Variants in MPHOSPH9 observed in about 807,000 individuals in gnomAD.
MPHOSPH9 encodes the protein M-phase phosphoprotein 9.
MPHOSPH9 carries 88 observed loss-of-function variants against 145.5 expected under a neutral mutation model. The ratio of observed to expected loss-of-function variants is 0.60; its 90% confidence interval spans 0.51 to 0.72. The LOEUF (loss-of-function observed/expected upper bound fraction) is 0.72, where lower values mean the gene tolerates loss of function less well. MPHOSPH9 is among the 30% of genes least tolerant of loss of function. The probability of loss-of-function intolerance (pLI) is 0.00; values close to 1 mark genes in which losing one functional copy is unlikely to be tolerated. For synonymous variants in MPHOSPH9, 435 were observed against 486.2 expected, an observed-to-expected ratio of 0.89 and a Z score of 1.39; for missense variants, 1,238 against 1,386.6, an observed-to-expected ratio of 0.89 and a Z score of 1.70.
In MPHOSPH9 at chr12:123,243,903, G is replaced by A. The variant is rs1171828691; in HGVS notation, c.-209C>T. 5 of 152,262 alleles carry A rather than the reference G, an allele frequency of 3.3e-5. No individual in the cohort carries two copies. The East Asian group carries it at 7.7e-4, about 24-fold the overall frequency. The allele number at this position is 152,262 out of a possible 1,614,324, so 9.4% of individuals were successfully genotyped here. A position where few individuals can be genotyped will look rare whatever the true frequency, so the allele number is the denominator to read the frequency against. On this transcript the variant is annotated 5_prime_UTR_variant, in exon 1 of 3. Coordinates refer to the MPHOSPH9 transcript ENST00000545406. Reference sequence around the variant, plus strand: ...CTCCATCCTGCTTCCTCCTCAGTGGGTATCTATCTGGATCTCACAGTGGGC... The same window carrying A: ...CTCCATCCTGCTTCCTCCTCAGTGGATATCTATCTGGATCTCACAGTGGGC...
chr12:123,199,407 G>A (rs1361227245), intron 11 of MPHOSPH9, among the ~76,000 whole-genome samples: 1 of 151,996 alleles, frequency 6.6e-6, no homozygotes, highest in Non-Finnish European at 1.5e-5. Flanking sequence ...AATAATAAAA[G>A]CTTTATTTAT....
At chr12:123,202,478 T>C in intron 10 of MPHOSPH9, 146 bp downstream of exon 10, 1 of 1,191,284 alleles carries the variant, frequency 8.4e-7, no homozygotes, top group Non-Finnish European at 1.2e-6. Flanking sequence ...AAGTTAACAA[T>C]CAAGTGAAAA....
chr12:123,236,263 A>G (rs12825832), upstream of MPHOSPH9, among the ~76,000 whole-genome samples: 2,831 of 152,148 alleles, frequency 0.019, 44 homozygotes, highest in Middle Eastern at 0.031. Flanking sequence ...TGCATCTCTT[A>G]TTTTCTTTAT....
chr12:123,154,022 C>G (rs532029804), downstream of MPHOSPH9, among the ~76,000 whole-genome samples: 1 of 152,236 alleles, frequency 6.6e-6, no homozygotes, highest in South Asian at 2.1e-4. Flanking sequence ...AGCACGGCCA[C>G]TTTAGCTACA....
intron 11 of MPHOSPH9, among the ~76,000 whole-genome samples, chr12:123,198,692 C>A (rs2046081609): frequency 6.6e-6 from 1 of 151,158 alleles, no homozygotes; most frequent in Non-Finnish European, 1.5e-5. Context: ...TGCCTGTAGT[C>A]CCAGCTACTC....
intron 8 of MPHOSPH9, among the ~76,000 whole-genome samples, chr12:123,208,581 T>C (rs2046553787): frequency 6.8e-6 from 1 of 147,304 alleles, no homozygotes; most frequent in Non-Finnish European, 1.5e-5. Flanking sequence ...CTCATAACTA[T>C]GGTGGAAATG....
chr12:123,166,884 C>T (rs2137932958), intron 16 of MPHOSPH9, 95 bp from the exon 17 acceptor site: 1 of 1,197,860 alleles, frequency 8.3e-7, no homozygotes, highest in Non-Finnish European at 1.1e-6. Flanking sequence ...ACAGTATTTA[C>T]ACATTTGTAC....
chr12:123,205,758 G>T (rs1351905650), intron 8 of MPHOSPH9, among the ~76,000 whole-genome samples: 1 of 152,148 alleles, frequency 6.6e-6, no homozygotes, highest in African/African-American at 2.4e-5. Flanking sequence ...CCACTTTTAT[G>T]TTCTTGTCAT....
chr12:123,157,595 C>G (rs896432877), intron 23 of MPHOSPH9, among the ~76,000 whole-genome samples: 1 of 152,154 alleles, frequency 6.6e-6, no homozygotes, highest in Admixed American at 6.6e-5. Context: ...ATCCTTCCAC[C>G]TTAGCCTCTC....
intron 23 of MPHOSPH9, among the ~76,000 whole-genome samples, chr12:123,158,286 C>T (rs921869001): frequency 6.6e-6 from 1 of 152,122 alleles, no homozygotes; most frequent in Non-Finnish European, 1.5e-5. Flanking sequence ...TGAACCACTG[C>T]ACCCAGCCGT....
chr12:123,215,062 T>C (rs1164615613), intron 6 of MPHOSPH9, among the ~76,000 whole-genome samples: 1 of 152,144 alleles, frequency 6.6e-6, no homozygotes, highest in Non-Finnish European at 1.5e-5. Context: ...GTCAAGATGA[T>C]GAAACCCCGT....
intron 8 of MPHOSPH9, among the ~76,000 whole-genome samples, chr12:123,206,444 A>G (rs1317380639): frequency 1.3e-5 from 2 of 151,896 alleles, no homozygotes; most frequent in African/African-American, 4.8e-5. Context: ...CCTCGGCAAC[A>G]GAGTGAGACC....
intron 3 of MPHOSPH9, among the ~76,000 whole-genome samples, chr12:123,225,327 C>G (rs1235075110): frequency 6.7e-6 from 1 of 149,454 alleles, no homozygotes; most frequent in East Asian, 2.0e-4. Flanking sequence ...ACCTGTAGTC[C>G]CAGCTACTTG....
chr12:123,193,033 C>G (rs1057169337), intron 13 of MPHOSPH9, among the ~76,000 whole-genome samples: 1 of 145,338 alleles, frequency 6.9e-6, no homozygotes, highest in Admixed American at 7.1e-5. Flanking sequence ...AATCACGCCA[C>G]TGCACTCCAG....
chr12:123,212,882 CAG>C (rs1440504883), intron 7 of MPHOSPH9, among the ~76,000 whole-genome samples: 6 of 133,888 alleles, frequency 4.5e-5, no homozygotes, highest in Non-Finnish European at 9.4e-5. Context: ...TTTTTTGAGA[CAG>C]AGTCTGGCTC....
At chr12:123,175,028 C>T (rs2044770659) in intron 16 of MPHOSPH9, among the ~76,000 whole-genome samples, 1 of 152,200 alleles carries the variant, frequency 6.6e-6, no homozygotes, top group African/African-American at 2.4e-5. Flanking sequence ...ACTAACTAGT[C>T]TCCTGCTTCC....
At chr12:123,211,963 G>T (rs2046742080) in intron 7 of MPHOSPH9, among the ~76,000 whole-genome samples, 1 of 152,030 alleles carries the variant, frequency 6.6e-6, no homozygotes, top group African/African-American at 2.4e-5. Context: ...CCAAAGTGCT[G>T]GGATCACAGG....
chr12:123,220,005 C>A (rs1016541903), intron 5 of MPHOSPH9, among the ~76,000 whole-genome samples: 2 of 152,092 alleles, frequency 1.3e-5, no homozygotes, highest in Non-Finnish European at 2.9e-5. Flanking sequence ...ACCAGCCTGG[C>A]CAACACGGCG....
chr12:123,184,948 T>G (rs1378571863), intron 13 of MPHOSPH9, among the ~76,000 whole-genome samples: 3 of 152,054 alleles, frequency 2.0e-5, no homozygotes, highest in African/African-American at 7.2e-5. Context: ...GGATTATAGA[T>G]GTGCACCATC....
Sources: allele counts gnomAD v4.1 joint callset (sites outside exome capture counted in the v4.1 genomes callset), GRCh38; gene constraint gnomAD v4.1.1; transcripts MANE v1.5; gene names NCBI Gene and HGNC (gene_info 2026-07-23, HGNC 2026-07-21).